NPAS3: variants seen among roughly 807,000 people sequenced by gnomAD.
NPAS3 encodes neuronal PAS domain-containing protein 3.
NPAS3 carries 14 observed loss-of-function variants against 73.1 expected under a neutral mutation model. The ratio of observed to expected loss-of-function variants is 0.19; its 90% CI spans 0.13 to 0.30. The LOEUF is 0.30. Among genes scored for constraint, NPAS3 ranks in the 10% least tolerant of loss-of-function variants. The pLI, the probability that NPAS3 is intolerant of heterozygous loss-of-function variation, is 1.00. For synonymous variants in NPAS3, 620 were observed against 541.5 expected (o/e 1.14, Z -2.01); for missense variants, 1,096 against 1,250.0 (o/e 0.88, Z 1.86).
At chr14:33,341,706 C>G (rs1243880355) in intron 3 of NPAS3, among the ~76,000 whole-genome samples, 1 of 152,184 alleles carries the variant, frequency 6.6e-6, no homozygotes, top group African/African-American at 2.4e-5. Flanking sequence ...ATTGGCTACA[C>G]TGATCTCTGT....
intron 4 of NPAS3, among the ~76,000 whole-genome samples, chr14:33,460,836 AG>A (rs1396181470): frequency 1.3e-5 from 2 of 152,240 alleles, no homozygotes; most frequent in Non-Finnish European, 2.9e-5. Context: ...GAAAAACCAG[AG>A]AGTGGGTCCA....
intron 4 of NPAS3, among the ~76,000 whole-genome samples, chr14:33,371,688 CTATG>C (rs1356547392): frequency 6.6e-6 from 1 of 151,972 alleles, no homozygotes; most frequent in Non-Finnish European, 1.5e-5. Context: ...ATCAACGTGT[CTATG>C]TGTGTGTGTA....
At chr14:33,215,556 T>C in intron 3 of NPAS3, 130 bp downstream of exon 3, 3 of 1,033,736 alleles carry the variant, frequency 2.9e-6, no homozygotes, top group Non-Finnish European at 4.6e-6. Flanking sequence ...TGTGGAAATC[T>C]GAACTCTGCA....
chr14:33,383,022 G>A (rs1190420241), intron 4 of NPAS3, among the ~76,000 whole-genome samples: 1 of 150,788 alleles, frequency 6.6e-6, no homozygotes, highest in Non-Finnish European at 1.5e-5. Flanking sequence ...AGGAGGTTGA[G>A]GCTGTAGTGA....
At chr14:33,803,404 C>T (rs1409050956), downstream of NPAS3, 2 of 152,072 alleles carry the variant, frequency 1.3e-5, no homozygotes, top group Non-Finnish European at 2.9e-5. Context: ...GGGCCCAAAC[C>T]GTGGTGGAAT....
At chr14:33,569,818 C>T (rs528062369) in intron 5 of NPAS3, among the ~76,000 whole-genome samples, 5 of 152,132 alleles carry the variant, frequency 3.3e-5, no homozygotes, top group Non-Finnish European at 5.9e-5. Flanking sequence ...ACTTAAAAAA[C>T]GTTTGTACTA....
chr14:33,635,237 G>A (rs946261682), intron 5 of NPAS3, among the ~76,000 whole-genome samples: 1 of 152,208 alleles, frequency 6.6e-6, no homozygotes, highest in African/African-American at 2.4e-5. Flanking sequence ...CCTGGGATAT[G>A]CCCATCACAT....
At chr14:33,686,083 G>T (rs1180315488) in intron 6 of NPAS3, among the ~76,000 whole-genome samples, 4 of 152,220 alleles carry the variant, frequency 2.6e-5, no homozygotes, top group Non-Finnish European at 5.9e-5. Flanking sequence ...ATATGGTAAA[G>T]AAATCAGTGA....
chr14:33,199,468 A>G (rs982692491), intron 2 of NPAS3, among the ~76,000 whole-genome samples: 6 of 152,130 alleles, frequency 3.9e-5, no homozygotes, highest in Non-Finnish European at 7.4e-5. Flanking sequence ...ACTGTGTATG[A>G]TTATAAAGAG....
chr14:33,410,130 C>T (rs945027175), intron 4 of NPAS3, among the ~76,000 whole-genome samples: 4 of 151,970 alleles, frequency 2.6e-5, no homozygotes, highest in East Asian at 1.9e-4. Context: ...CATGAAGCTG[C>T]GTAGGTCCAA....
At chr14:33,644,400 G>C (rs2058763486) in intron 5 of NPAS3, among the ~76,000 whole-genome samples, 1 of 152,210 alleles carries the variant, frequency 6.6e-6, no homozygotes, top group Non-Finnish European at 1.5e-5. Context: ...AGTTATGCCT[G>C]TGTAGTGAGC....
chr14:33,670,933 A>G (rs1595402679), intron 5 of NPAS3, among the ~76,000 whole-genome samples: 1 of 140,630 alleles, frequency 7.1e-6, no homozygotes, highest in Non-Finnish European at 1.6e-5. Flanking sequence ...GTATTTTTTA[A>G]TATCAGCCTT....
intron 4 of NPAS3, among the ~76,000 whole-genome samples, chr14:33,378,896 G>A (rs756304964): frequency 1.3e-4 from 20 of 152,176 alleles, no homozygotes; most frequent in Non-Finnish European, 2.5e-4. Flanking sequence ...ATGTGGAACA[G>A]AAAGACAGTT....
chr14:33,113,591 T>C lies in NPAS3; in HGVS notation c.140+57597T>C, dbSNP rs911176401. Among the ~76,000 whole-genome samples the C allele has an allele frequency of 1.1e-4, 17 of 152,158 alleles. 1 individual carries two copies. Among genetic ancestry groups the C allele is most frequent in the African/African-American group, 7.2e-5 (3 of 41,456 alleles). ...GGCTGAGACAATAGGGTTTTCTAAA[T>C]ATACAATCATGTCATCTGCAAACAG... On this transcript the variant is annotated intron_variant, in intron 2 of 11. Coordinates refer to ENST00000356141, the Ensembl canonical transcript of NPAS3.
At chr14:33,663,252 C>A (rs1595386381) in intron 5 of NPAS3, among the ~76,000 whole-genome samples, 1 of 152,074 alleles carries the variant, frequency 6.6e-6, no homozygotes, top group South Asian at 2.1e-4. Context: ...TCCATCAATA[C>A]CTAGTTCACT....
intron 5 of NPAS3, among the ~76,000 whole-genome samples, chr14:33,671,003 T>TA: frequency 6.6e-6 from 1 of 152,222 alleles, no homozygotes; most frequent in East Asian, 1.9e-4. Context: ...TTTCTATTGA[T>TA]AAAAATCAAC....
chr14:33,184,325 A>C (rs2045909215), intron 2 of NPAS3, among the ~76,000 whole-genome samples: 1 of 152,112 alleles, frequency 6.6e-6, no homozygotes, highest in Non-Finnish European at 1.5e-5. Context: ...GGCCCTGGAG[A>C]GGAGAGTGAG....
At chr14:32,988,414 T>A (rs940683291) in intron 1 of NPAS3, among the ~76,000 whole-genome samples, 18 of 152,098 alleles carry the variant, frequency 1.2e-4, no homozygotes, top group Non-Finnish European at 2.2e-4. Flanking sequence ...AACAGACACA[T>A]CCTATACATT....
intron 4 of NPAS3, among the ~76,000 whole-genome samples, chr14:33,455,769 C>A (rs2139431624): frequency 6.6e-6 from 1 of 152,306 alleles, no homozygotes; most frequent in Non-Finnish European, 1.5e-5. Context: ...CATGATTAAA[C>A]AGGATGTTAA....
Sources: gnomAD v4.1 joint callset for allele counts (sites outside exome capture counted in the v4.1 genomes callset) on GRCh38, gnomAD v4.1.1 for gene constraint, MANE v1.5 for transcripts, NCBI Gene and HGNC (gene_info 2026-07-23, HGNC 2026-07-21) for gene names.